Variants in TRIM10 observed in about 807,000 individuals in gnomAD.
TRIM10 encodes tripartite motif-containing protein 10.
TRIM10 carries 42 observed loss-of-function variants against 40.0 expected under a neutral mutation model. That is an observed-to-expected ratio of 1.05 (90% CI 0.82 to 1.36). The LOEUF is 1.36. TRIM10 is among the 40% of genes most tolerant of loss of function. The pLI is 0.00. For missense variants in TRIM10, 601 were observed against 608.3 expected (o/e 0.99, Z 0.13); for synonymous variants, 260 against 239.5 (o/e 1.09, Z -0.79).
chr6:30,154,421 C>T lies in TRIM10; in HGVS notation c.994G>A (p.Ala332Thr). ...TTCTGCCATTTGTAGGAGAACTGAG[C>T]TCGCTGGTGGTCCTCGGACAAGAGG... is the stretch of plus-strand genomic sequence containing the variant. The part of the protein sequence containing the change: ...KLLLSEDHQR[A>T]QFSYKWQNSP... The change falls in exon 7 of 7, where the codon GCT becomes ACT. Residue 332 changes from alanine (A) to threonine (T), a missense_variant. By Grantham distance (58) the Ala-to-Thr change is moderately conservative (BLOSUM62 0). Transcript: ENST00000449742. 1 of 1,613,006 alleles carries T rather than the reference C, an allele frequency of 6.2e-7. No individual in the cohort carries two copies. Among genetic ancestry groups the T allele is most frequent in the African/African-American group, 1.3e-5 (1 of 75,026 alleles).
At chr6:30,158,650 C>T in intron 2 of TRIM10, 21 bp from the exon 3 acceptor site, 1 of 1,606,144 alleles carries the variant, frequency 6.2e-7, no homozygotes, top group Non-Finnish European at 8.5e-7. Context: ...AGGAGGCAAG[C>T]CCAAGAGAAA....
In TRIM10 at chr6:30,159,262, T is replaced by C. The variant is rs1468685248; in HGVS notation, c.430-17A>G. 2.0e-6 allele frequency: 3 copies of C among 1,515,522 alleles called. No homozygotes were observed. Among genetic ancestry groups the C allele is most frequent in the Admixed American group, 1.7e-5 (1 of 59,816 alleles). The allele number at this position is 1,515,522 out of a possible 1,614,324, so 93.9% of individuals were successfully genotyped here. ...GATTTGTTCCTGGGGAGAAGGAACA[T>C]AAAATACTCAAGATGGAAAATGATT... On this transcript the variant is annotated splice_polypyrimidine_tract_variant and intron_variant, in intron 1 of 6. Coordinates refer to ENST00000449742, the MANE Select transcript of TRIM10 (RefSeq NM_006778.4).
At chr6:30,162,588 A>G (rs909600959), upstream of TRIM10, among the ~76,000 whole-genome samples, 1 of 152,200 alleles carries the variant, frequency 6.6e-6, no homozygotes, top group Non-Finnish European at 1.5e-5. Context: ...AGATGTGTGC[A>G]TGGGTGAAGG....
chr6:30,163,998 G>A, upstream of TRIM10: 4 of 1,613,122 alleles, frequency 2.5e-6, no homozygotes, highest in Non-Finnish European at 3.4e-6. Flanking sequence ...TGTGTGTTCT[G>A]CAGGGAGGGT....
upstream of TRIM10, among the ~76,000 whole-genome samples, chr6:30,161,934 T>C (rs1773125369): frequency 6.6e-6 from 1 of 152,166 alleles, no homozygotes; most frequent in South Asian, 2.1e-4. Context: ...ATATAAAAAG[T>C]CATTAATAAG....
rs758138844 is a variant in TRIM10 at position 30,158,560 on chromosome 6, G to T, written c.595C>A (p.Gln199Lys). 8 of 1,612,914 alleles carry T rather than the reference G, an allele frequency of 5.0e-6. No homozygotes were observed. The highest frequency in any genetic ancestry group is 5.9e-6 in the Non-Finnish European group (7 of 1,180,028). The change falls in exon 3 of 7, where the codon CAG becomes AAG. Residue 199 changes from glutamine to lysine, a missense_variant. Coordinates refer to ENST00000449742, the MANE Select transcript of TRIM10 (RefSeq NM_006778.4). ...FAHLRKFLEE[Q>K]QSILLAQLES... ...AATTGTGCTAAGAGGATGCTCTGCT[G>T]TTCCTCTAGAAACTTCCTCAGGTGT...
chr6:30,162,372 C>T (rs1019525476), upstream of TRIM10, among the ~76,000 whole-genome samples: 5 of 151,422 alleles, frequency 3.3e-5, no homozygotes, highest in African/African-American at 1.2e-4. Flanking sequence ...CCATTCAGAC[C>T]GGCCACATTT....
intron 5 of TRIM10, 162 bp downstream of exon 5, chr6:30,156,777 C>T (rs1210932847): frequency 1.4e-6 from 1 of 713,682 alleles, no homozygotes; most frequent in East Asian, 2.7e-5. Flanking sequence ...TCACAATATC[C>T]TAATAGGCAG....
chr6:30,155,708 C>T lies in TRIM10; in HGVS notation c.928+19G>A. ...CCGAGGACTTCTCATTCTCTCCCATCCTGACATAGGCTCCTTACCTGGCTC... is the reference window on the plus strand; with the variant it reads ...CCGAGGACTTCTCATTCTCTCCCATTCTGACATAGGCTCCTTACCTGGCTC... On this transcript the variant is annotated intron_variant, in intron 6 of 6. Coordinates refer to ENST00000449742, the MANE Select transcript of TRIM10 (RefSeq NM_006778.4). 2 of 1,613,198 alleles carry T rather than the reference C, an allele frequency of 1.2e-6. No individual in the cohort carries two copies. The highest frequency in any genetic ancestry group is 1.7e-6 in the Non-Finnish European group (2 of 1,179,634).
Position 30,152,827 on chromosome 6 carries a change from T to C in TRIM10, c.*1142A>G, listed in dbSNP as rs1772135924. On this transcript the variant is annotated 3_prime_UTR_variant, in exon 7 of 7. Coordinates refer to ENST00000449742, the MANE Select transcript of TRIM10 (RefSeq NM_006778.4). Reference sequence around the variant, plus strand: ...CAGATGTCACTACAGTAGTCTCAATTACGGTAGTCTCAATTCTTTAGACTA... The same window carrying C: ...CAGATGTCACTACAGTAGTCTCAATCACGGTAGTCTCAATTCTTTAGACTA... 1 of 152,228 alleles carries C rather than the reference T, an allele frequency of 6.6e-6. No homozygotes were observed. Among genetic ancestry groups the C allele is most frequent in the East Asian group, 1.9e-4 (1 of 5,204 alleles). The allele number at this position is 152,228 out of a possible 1,614,324, so 9.4% of individuals were successfully genotyped here.
chr6:30,157,402 G>C lies in TRIM10; in HGVS notation c.757-11C>G. ...AGTGCTTCTGATGTCCTAGGAGAAA[G>C]AGATACCAGAAATTCAGTTTCCAGC... On this transcript the variant is annotated splice_polypyrimidine_tract_variant and intron_variant, in intron 3 of 6. Coordinates refer to ENST00000449742, the MANE Select transcript of TRIM10 (RefSeq NM_006778.4). 6.3e-7 allele frequency: 1 copy of C among 1,592,938 alleles called. No individual in the cohort carries two copies. Among genetic ancestry groups the C allele is most frequent in the Non-Finnish European group, 8.5e-7 (1 of 1,173,340 alleles).
intron 1 of TRIM10, among the ~76,000 whole-genome samples, chr6:30,159,477 T>C (rs1421011074): frequency 6.6e-6 from 1 of 152,208 alleles, no homozygotes; most frequent in Non-Finnish European, 1.5e-5. Context: ...CCTGTGCCAT[T>C]AGAGGCTGTG....
rs770313023 is a variant in TRIM10 at position 30,154,275 on chromosome 6, G to T, written c.1140C>A (p.Thr380=). The T allele has an allele frequency of 6.2e-7, 1 of 1,612,728 alleles. No individual in the cohort carries two copies. Among genetic ancestry groups the T allele is most frequent in the Non-Finnish European group, 8.5e-7 (1 of 1,179,728 alleles). The part of the protein sequence containing the change: ...SIDLAHGGSC[T]VGVVSEDVQR... ...GCACATCCTCGCTCACCACGCCCAC[G>T]GTGCAGCTGCCCCCATGGGCCAGGT... The change falls in exon 7 of 7, where the codon ACC becomes ACA. Residue 380 remains threonine, a synonymous_variant. Transcript: ENST00000449742.
chr6:30,160,431 C>T lies in TRIM10; in HGVS notation c.428G>A (p.Arg143Lys), dbSNP rs776517958. Residue 143 changes from arginine to lysine, a missense_variant and splice_region_variant, in exon 1 of 7, where the codon AGG becomes AAG. Coordinates refer to ENST00000449742, the MANE Select transcript of TRIM10 (RefSeq NM_006778.4). Reference protein sequence around the residue: ...RFLEDAAAPYREQIHKCLKCL... With the variant: ...RFLEDAAAPYKEQIHKCLKCL... ...GATCCCCCAGTTCCCCTTTCCTACC[C>T]TATAGGGAGCCGCTGCATCCTCCAG... 1.2e-6 allele frequency: 2 copies of T among 1,613,202 alleles called. No individual in the cohort carries two copies. Among genetic ancestry groups the T allele is most frequent in the Non-Finnish European group, 1.7e-6 (2 of 1,179,498 alleles).
chr6:30,156,335 T>A (rs1772526042), intron 5 of TRIM10, among the ~76,000 whole-genome samples: 1 of 152,156 alleles, frequency 6.6e-6, no homozygotes, highest in African/African-American at 2.4e-5. Flanking sequence ...GTGTCATCAT[T>A]CATTCTGTCA....
chr6:30,158,947 A>G (rs1288069211), intron 2 of TRIM10, among the ~76,000 whole-genome samples: 2 of 152,222 alleles, frequency 1.3e-5, no homozygotes, highest in Non-Finnish European at 2.9e-5. Context: ...CAGTAATTCA[A>G]TGAGGTCATG....
chr6:30,158,530 T>C lies in TRIM10; in HGVS notation c.625A>G (p.Ser209Gly). ...TGCCTCAAGATGTCCCCATCCTGGC[T>C]CTCCAATTGTGCTAAGAGGATGCTC... The part of the protein sequence containing the change: ...QQSILLAQLE[S>G]QDGDILRQRD... The change falls in exon 3 of 7, where the codon AGC becomes GGC. Residue 209 changes from serine to glycine, a missense_variant. Ser to Gly is a moderately conservative substitution (Grantham distance 56, BLOSUM62 0). Transcript: ENST00000449742. The C allele has an allele frequency of 3.1e-6, 5 of 1,612,976 alleles. No homozygotes were observed. The highest frequency in any genetic ancestry group is 4.2e-6 in the Non-Finnish European group (5 of 1,180,016).
chr6:30,153,860 G>GTCATTT lies in TRIM10; in HGVS notation c.*103_*108dup. 1 of 1,602,506 alleles carries GTCATTT rather than the reference G, an allele frequency of 6.2e-7. No individual in the cohort carries two copies. Among genetic ancestry groups the GTCATTT allele is most frequent in the Non-Finnish European group, 8.5e-7 (1 of 1,173,244 alleles). Reference sequence around the variant, plus strand: ...CGGCCCCATCCCATCTTCTAAAGCAGTCATTTCTATTCCAAGTCATCCAGG... The same window carrying GTCATTT: ...CGGCCCCATCCCATCTTCTAAAGCAGTCATTTTCATTTCTATTCCAAGTCATCCAGG... On this transcript the variant is annotated 3_prime_UTR_variant, in exon 7 of 7. Transcript: ENST00000449742.
Position 30,154,236 on chromosome 6 carries a change from C to T in TRIM10, c.1179G>A (p.Glu393=), listed in dbSNP as rs1772296927. Residue 393 remains glutamate (E), a synonymous_variant, in exon 7 of 7, where the codon GAG becomes GAA. Transcript: ENST00000449742. ...VVSEDVQRKG[E]LRLRPEEGVW... ...CCCCCTCCTCTGGCCGCAGCCGAAG[C>T]TCCCCCTTCCGCTGCACATCCTCGC... 7 of 1,612,882 alleles carry T rather than the reference C, an allele frequency of 4.3e-6. No homozygotes were observed. In the South Asian group the frequency reaches 7.7e-5, roughly 18 times the overall value.
Sources: allele counts gnomAD v4.1 joint callset (sites outside exome capture counted in the v4.1 genomes callset), GRCh38; gene constraint gnomAD v4.1.1; transcripts MANE v1.5; gene names NCBI Gene and HGNC (gene_info 2026-07-23, HGNC 2026-07-21).